The following CDIN1 variants were observed in gnomAD, a reference collection of about 807,000 sequenced individuals.
CDIN1 encodes the protein CDAN1-interacting nuclease 1.
Under a neutral mutation model 45.3 loss-of-function variants are expected in CDIN1, and 33 were observed. That is an observed-to-expected ratio of 0.73 (90% CI 0.55 to 0.97). CDIN1 has a LOEUF of 0.97. Among genes scored for constraint, CDIN1 ranks in the 50% least tolerant of loss-of-function variants. CDIN1 has a pLI of 0.00. For synonymous variants in CDIN1, 118 were observed against 124.4 expected, an observed-to-expected ratio of 0.95 and a Z score of 0.34; for missense variants, 303 against 339.4, an observed-to-expected ratio of 0.89 and a Z score of 0.84.
At chr15:36,671,558 A>G (rs2041452914) in intron 5 of CDIN1, among the ~76,000 whole-genome samples, 2 of 151,428 alleles carry the variant, frequency 1.3e-5, no homozygotes, top group Non-Finnish European at 2.9e-5. Flanking sequence ...GAATTGGGTT[A>G]TCTACTTTCT....
In CDIN1 at chr15:36,654,078, CT is replaced by C; in HGVS notation, c.213-18del. On this transcript the variant is annotated intron_variant, in intron 3 of 10. Coordinates refer to ENST00000566621, the MANE Select transcript of CDIN1 (RefSeq NM_001321759.2). ...GCCTTTTCTTGTCACTGCATTACCA[CT>C]TGGCTTTGTCTTGTCTAGGTACCTG... 6.4e-7 allele frequency: 1 copy of C among 1,563,960 alleles called. No homozygotes were observed. The highest frequency in any genetic ancestry group is 8.7e-7 in the Non-Finnish European group (1 of 1,150,960).
chr15:36,696,946 T>TA (rs1163749494), intron 7 of CDIN1, among the ~76,000 whole-genome samples: 28,311 of 92,072 alleles, frequency 0.31, 4,227 homozygotes, highest in Admixed American at 0.37. Context: ...ATTCCATTTC[T>TA]AAAAAAAAAA....
intron 10 of CDIN1, among the ~76,000 whole-genome samples, chr15:36,765,837 A>T (rs2053909277): frequency 6.6e-6 from 1 of 152,160 alleles, no homozygotes; most frequent in Admixed American, 6.5e-5. Flanking sequence ...ATAGACATAC[A>T]CACTACTCCA....
intron 5 of CDIN1, among the ~76,000 whole-genome samples, chr15:36,688,616 T>C (rs1399100632): frequency 6.6e-6 from 1 of 152,176 alleles, no homozygotes; most frequent in Non-Finnish European, 1.5e-5. Flanking sequence ...AGAATAGGAA[T>C]CCTGTCCATG....
chr15:36,622,024 A>T (rs918890520), intron 1 of CDIN1, among the ~76,000 whole-genome samples: 1 of 152,166 alleles, frequency 6.6e-6, no homozygotes, highest in South Asian at 2.1e-4. Flanking sequence ...GTTTCATTTG[A>T]CACAATTCAT....
At chr15:36,625,760 A>G (rs1002584774) in intron 1 of CDIN1, among the ~76,000 whole-genome samples, 1 of 152,216 alleles carries the variant, frequency 6.6e-6, no homozygotes, top group Non-Finnish European at 1.5e-5. Flanking sequence ...ATAATTAATC[A>G]TCAACTCTCA....
chr15:36,649,642 C>T (rs1453382620), intron 3 of CDIN1, among the ~76,000 whole-genome samples: 1 of 152,192 alleles, frequency 6.6e-6, no homozygotes. Context: ...TGATCCACAA[C>T]CCTGTCACTG....
chr15:36,716,368 A>G (rs902407039), intron 10 of CDIN1, among the ~76,000 whole-genome samples: 3 of 152,138 alleles, frequency 2.0e-5, no homozygotes, highest in Non-Finnish European at 4.4e-5. Context: ...GAAACACACC[A>G]TTATGATCAT....
chr15:36,724,141 G>T (rs1488345869), intron 10 of CDIN1, among the ~76,000 whole-genome samples: 4 of 152,152 alleles, frequency 2.6e-5, no homozygotes, highest in Non-Finnish European at 4.4e-5. Flanking sequence ...GGAGTTTTTT[G>T]AATAGAAGAG....
intron 8 of CDIN1, among the ~76,000 whole-genome samples, chr15:36,700,871 C>T (rs2042605528): frequency 6.6e-6 from 1 of 151,780 alleles, no homozygotes; most frequent in South Asian, 2.1e-4. Context: ...GGCCAGGATT[C>T]AAGACCAGCC....
At chr15:36,644,167 C>T (rs1031039399) in intron 1 of CDIN1, 111 bp from the exon 2 acceptor site, 15 of 997,264 alleles carry the variant, frequency 1.5e-5, no homozygotes, top group Non-Finnish European at 2.1e-5. Flanking sequence ...CACTTGTTTT[C>T]ATGTTCTGTT....
chr15:36,641,726 TTTTTATGTGTGTAC>T (rs991907226), intron 1 of CDIN1: 6 of 149,662 alleles, frequency 4.0e-5, no homozygotes, highest in Non-Finnish European at 7.5e-5. Flanking sequence ...TTTTTTGCCT[TTTTTATGTGTGTAC>T]TTTTGTGTGC....
chr15:36,659,525 G>A (rs1412525001), intron 5 of CDIN1, among the ~76,000 whole-genome samples: 1 of 151,920 alleles, frequency 6.6e-6, no homozygotes, highest in African/African-American at 2.4e-5. Context: ...ATTACACTAT[G>A]ATTATGTATA....
chr15:36,600,378 G>C (rs1595725926), intron 1 of CDIN1, among the ~76,000 whole-genome samples: 1 of 152,290 alleles, frequency 6.6e-6, no homozygotes, highest in East Asian at 1.9e-4. Context: ...GCAATATGGT[G>C]CCTGTAGTTC....
chr15:36,616,563 A>G (rs1035790212), intron 1 of CDIN1, among the ~76,000 whole-genome samples: 1 of 151,946 alleles, frequency 6.6e-6, no homozygotes, highest in African/African-American at 2.4e-5. Context: ...ATAAGCCAAC[A>G]TTTTCTAGTC....
In CDIN1 at chr15:36,598,803, G is replaced by T. The variant is rs79284409; in HGVS notation, c.101+18842G>T. ...TTTGGTCTCTTGAATATTAGCTTTA[G>T]TGAGTTTTTTTGTTTGTTTGTTTGT... On this transcript the variant is annotated intron_variant, in intron 1 of 10. Coordinates refer to ENST00000566621, the MANE Select transcript of CDIN1 (RefSeq NM_001321759.2). 1.4e-3 allele frequency among the ~76,000 whole-genome samples: 212 copies of T among 151,418 alleles called. 2 individuals are homozygous for T. Among genetic ancestry groups the T allele is most frequent in the African/African-American group, 4.8e-3 (197 of 41,206 alleles).
chr15:36,778,518 A>C (rs1017310241), intron 10 of CDIN1, among the ~76,000 whole-genome samples: 3 of 152,186 alleles, frequency 2.0e-5, no homozygotes, highest in Non-Finnish European at 4.4e-5. Context: ...ATCCCAGAAA[A>C]TAGTCTCTAT....
At chr15:36,600,722 C>A (rs759178349) in intron 1 of CDIN1, among the ~76,000 whole-genome samples, 1 of 152,084 alleles carries the variant, frequency 6.6e-6, no homozygotes, top group African/African-American at 2.4e-5. Context: ...GTGTGAAAAT[C>A]CGTGGCCACA....
At chr15:36,651,074 A>T (rs931992088) in intron 3 of CDIN1, among the ~76,000 whole-genome samples, 2 of 151,426 alleles carry the variant, frequency 1.3e-5, no homozygotes, top group African/African-American at 4.9e-5. Flanking sequence ...AAAAAAAAAT[A>T]AAAAAAAATA....
Sources: allele counts gnomAD v4.1 joint callset (sites outside exome capture counted in the v4.1 genomes callset), GRCh38; gene constraint gnomAD v4.1.1; transcripts MANE v1.5; gene names NCBI Gene and HGNC (gene_info 2026-07-23, HGNC 2026-07-21).